KCNQ5: variants seen among roughly 807,000 people sequenced by gnomAD.
KCNQ5 encodes potassium voltage-gated channel subfamily KQT member 5.
In KCNQ5, 30 loss-of-function variants were observed where a neutral mutation model predicts 98.2. That is an observed-to-expected ratio of 0.31 (90% CI 0.23 to 0.41). The LOEUF is 0.41. Ranked by LOEUF, KCNQ5 falls within the 10% of genes least tolerant of loss-of-function variation. KCNQ5 has a pLI of 1.00. For missense variants in KCNQ5, 835 were observed against 1,182.5 expected (o/e 0.71, Z 4.31); for synonymous variants, 458 against 449.4 (o/e 1.02, Z -0.24).
intron 1 of KCNQ5, among the ~76,000 whole-genome samples, chr6:72,769,530 AT>A (rs1016871193): frequency 1.4e-3 from 211 of 147,162 alleles, no homozygotes; most frequent in African/African-American, 3.0e-3. Flanking sequence ...CTGAGCAGAG[AT>A]TTTTTTTTTT....
At chr6:72,698,312 T>G (rs750980312) in intron 1 of KCNQ5, among the ~76,000 whole-genome samples, 4 of 152,082 alleles carry the variant, frequency 2.6e-5, no homozygotes, top group Non-Finnish European at 4.4e-5. Flanking sequence ...CAAGCGACTC[T>G]CCTGCCTCAG....
chr6:72,838,751 CCATCCTGGCTAA>C (rs1198877414), intron 1 of KCNQ5, among the ~76,000 whole-genome samples: 2 of 151,476 alleles, frequency 1.3e-5, no homozygotes, highest in African/African-American at 2.4e-5. Flanking sequence ...GAGATCGAGA[CCATCCTGGCTAA>C]CACGGTGAAA....
chr6:73,076,160 A>T (rs1415001448), intron 3 of KCNQ5, among the ~76,000 whole-genome samples: 1 of 152,218 alleles, frequency 6.6e-6, no homozygotes, highest in African/African-American at 2.4e-5. Flanking sequence ...GGCTCAGAAG[A>T]TCTTCTCAGT....
intron 1 of KCNQ5, among the ~76,000 whole-genome samples, chr6:72,901,635 T>C (rs1237642078): frequency 6.6e-6 from 1 of 152,206 alleles, no homozygotes; most frequent in African/African-American, 2.4e-5. Context: ...TTTTGTTTGC[T>C]TTGTCAAAGA....
chr6:72,807,519 T>C (rs915297329), intron 1 of KCNQ5, among the ~76,000 whole-genome samples: 6 of 152,150 alleles, frequency 3.9e-5, no homozygotes, highest in African/African-American at 1.4e-4. Context: ...ATCATTATTA[T>C]TTGTTTTAGT....
chr6:72,645,442 A>G (rs55668913), intron 1 of KCNQ5, among the ~76,000 whole-genome samples: 526 of 152,054 alleles, frequency 3.5e-3, no homozygotes, highest in African/African-American at 0.012. Context: ...AACCCCACCA[A>G]ATACTCTTAC....
At chr6:72,625,569 G>A (rs530216196) in intron 1 of KCNQ5, among the ~76,000 whole-genome samples, 11 of 152,272 alleles carry the variant, frequency 7.2e-5, no homozygotes, top group East Asian at 1.9e-4. Flanking sequence ...ATAAATTTGC[G>A]TTGATGCAGC....
intron 1 of KCNQ5, among the ~76,000 whole-genome samples, chr6:72,724,348 A>C (rs946219058): frequency 7.2e-5 from 11 of 152,236 alleles, no homozygotes; most frequent in Non-Finnish European, 1.5e-4. Flanking sequence ...GGAAAGAAAA[A>C]TTACCTCTTC....
At chr6:73,110,295 T>A (rs1775187863) in intron 6 of KCNQ5, among the ~76,000 whole-genome samples, 4 of 152,186 alleles carry the variant, frequency 2.6e-5, no homozygotes, top group Admixed American at 2.6e-4. Context: ...CCCATGCTAA[T>A]AAACTCAAGA....
intron 3 of KCNQ5, among the ~76,000 whole-genome samples, chr6:73,043,877 C>T (rs1201509073): frequency 6.6e-6 from 1 of 152,192 alleles, no homozygotes; most frequent in African/African-American, 2.4e-5. Flanking sequence ...GTCCTTTAGT[C>T]TTTCTCTTCC....
At chr6:72,706,708 T>C (rs1023933266) in intron 1 of KCNQ5, among the ~76,000 whole-genome samples, 1 of 152,110 alleles carries the variant, frequency 6.6e-6, no homozygotes, top group Non-Finnish European at 1.5e-5. Context: ...CAAGGTGCCT[T>C]CTACATATCT....
intron 5 of KCNQ5, among the ~76,000 whole-genome samples, chr6:73,098,345 G>A (rs561826182): frequency 7.2e-5 from 11 of 152,058 alleles, no homozygotes; most frequent in Non-Finnish European, 1.3e-4. Flanking sequence ...GAGAGAGAAA[G>A]TTTATTCAAA....
intron 2 of KCNQ5, among the ~76,000 whole-genome samples, chr6:73,033,152 C>T (rs1221075524): frequency 6.6e-6 from 1 of 152,030 alleles, no homozygotes; most frequent in Non-Finnish European, 1.5e-5. Flanking sequence ...AGGTAGGCAG[C>T]GAGGGGTAAA....
chr6:72,631,781 G>A (rs1427887320), intron 1 of KCNQ5, among the ~76,000 whole-genome samples: 1 of 152,168 alleles, frequency 6.6e-6, no homozygotes, highest in African/African-American at 2.4e-5. Flanking sequence ...GAAATACAAG[G>A]CTAAAAGGAA....
chr6:72,924,369 T>C (rs1780533325), intron 1 of KCNQ5, among the ~76,000 whole-genome samples: 1 of 152,092 alleles, frequency 6.6e-6, no homozygotes, highest in South Asian at 2.1e-4. Flanking sequence ...AACTATCAAG[T>C]CAGTAATTTT....
intron 9 of KCNQ5, among the ~76,000 whole-genome samples, chr6:73,130,876 T>C (rs1320082960): frequency 2.0e-5 from 3 of 152,196 alleles, no homozygotes; most frequent in African/African-American, 7.2e-5. Context: ...TATAATTATG[T>C]CAAAAGAGAA....
intron 1 of KCNQ5, among the ~76,000 whole-genome samples, chr6:72,789,153 ATGTG>A (rs58557571): frequency 2.0e-5 from 3 of 148,762 alleles, no homozygotes; most frequent in Admixed American, 1.3e-4. Flanking sequence ...GTTCATGTGT[ATGTG>A]TGTGTGTGTG....
chr6:72,990,676 CA>C (rs1326160651), intron 1 of KCNQ5, among the ~76,000 whole-genome samples: 1 of 121,240 alleles, frequency 8.2e-6, no homozygotes, highest in Non-Finnish European at 1.7e-5. Flanking sequence ...TTGCCCTGGC[CA>C]GAACTTCCAA....
chr6:72,857,315 G>A (rs375169286), intron 1 of KCNQ5, among the ~76,000 whole-genome samples: 1 of 151,918 alleles, frequency 6.6e-6, no homozygotes, highest in East Asian at 1.9e-4. Context: ...GGCAATGAGA[G>A]AATTTTTAAT....
Sources: gnomAD v4.1 joint callset for allele counts (sites outside exome capture counted in the v4.1 genomes callset) on GRCh38, gnomAD v4.1.1 for gene constraint, MANE v1.5 for transcripts, NCBI Gene and HGNC (gene_info 2026-07-23, HGNC 2026-07-21) for gene names.